NOB1: variants seen among roughly 807,000 people sequenced by gnomAD.
NOB1 encodes the protein NIN1 (RPN12) binding protein 1 homolog.
NOB1 carries 44 observed loss-of-function variants against 44.8 expected under a neutral mutation model. The observed-to-expected ratio is 0.98, with a 90% CI of 0.77 to 1.26. NOB1 has a LOEUF of 1.26. Among genes scored for constraint, NOB1 ranks in the 50% most tolerant of loss-of-function variants. The probability of loss-of-function intolerance (pLI) is 0.00; values close to 1 mark genes in which losing one functional copy is unlikely to be tolerated. For synonymous variants in NOB1, 238 were observed against 218.7 expected, an observed-to-expected ratio of 1.09 and a Z score of -0.78; for missense variants, 560 against 544.8, an observed-to-expected ratio of 1.03 and a Z score of -0.28.
chr16:69,742,740 G>A, intron 8 of NOB1, 139 bp from the exon 9 acceptor site: 1 of 821,626 alleles, frequency 1.2e-6, no homozygotes, highest in East Asian at 2.6e-5. Context: ...CCTACCATGT[G>A]CTACGTGTGA....
At position 69,749,218 on chromosome 16, in the gene NOB1, G is replaced by C. The variant is rs377474731; in HGVS notation, c.520C>G (p.Leu174Val). The change falls in exon 5 of 9, where the codon CTG (leucine) becomes GTG (valine). Residue 174 changes from leucine to valine, a missense_variant. By Grantham distance (32) the Leu-to-Val change is conservative. Coordinates refer to ENST00000268802, the MANE Select transcript of NOB1 (RefSeq NM_014062.3). Reference sequence around the variant, plus strand: ...ACCAAAAGTCAAGGCCTCACCAGCAGCTCCTGCAGTTCATGATCGATGTTG... The same window carrying C: ...ACCAAAAGTCAAGGCCTCACCAGCACCTCCTGCAGTTCATGATCGATGTTG... ...LPNIDHELQE[L>V]LIDRGEDVPS... is the part of the protein sequence containing the mutation. The C allele has an allele frequency of 6.2e-7, 1 of 1,612,998 alleles. No homozygotes were observed. Among genetic ancestry groups the C allele is most frequent in the Non-Finnish European group, 8.5e-7 (1 of 1,179,534 alleles).
At chr16:69,753,829 C>A (rs2038502146) in intron 2 of NOB1, among the ~76,000 whole-genome samples, 1 of 152,076 alleles carries the variant, frequency 6.6e-6, no homozygotes, top group Non-Finnish European at 1.5e-5. Context: ...TTTTTTGAGA[C>A]AGAGTCTCGC....
intron 8 of NOB1, among the ~76,000 whole-genome samples, chr16:69,743,825 C>T (rs1179512820): frequency 3.3e-5 from 5 of 152,196 alleles, no homozygotes; most frequent in African/African-American, 1.2e-4. Context: ...GTTGGGTCTG[C>T]AGATTACACA....
At position 69,748,374 on chromosome 16, in the gene NOB1, T is replaced by C. The variant is rs151121840; in HGVS notation, c.727-45A>G. On this transcript the variant is annotated intron_variant, in intron 6 of 8. Transcript: ENST00000268802. ...AAGAAATCAATTTTCTTTTCACATT[T>C]CATTTTGTAATTACAGTTAAGGGAA... 5,147 of 1,560,274 alleles carry C rather than the reference T, an allele frequency of 3.3e-3. 27 individuals are homozygous for C. The highest frequency in any genetic ancestry group is 6.0e-3 in the South Asian group (533 of 89,574).
In NOB1 at chr16:69,743,677, C is replaced by T. The variant is rs557070720; in HGVS notation, c.970-1076G>A. 5.9e-4 allele frequency among the ~76,000 whole-genome samples: 90 copies of T among 152,260 alleles called. 1 individual carries two copies. Among genetic ancestry groups the T allele is most frequent in the Non-Finnish European group, 1.6e-4 (11 of 68,030 alleles). On this transcript the variant is annotated intron_variant, in intron 8 of 8. Transcript: ENST00000268802. The stretch of plus-strand genomic sequence containing the variant: ...TCAAAAGTGTCAAGGTCATCTACGA[C>T]AAAAGACTGAAAGGACCCCAGTCGA...
In NOB1 at chr16:69,754,704, G is replaced by C; in HGVS notation, c.86C>G (p.Thr29Ser). Residue 29 changes from threonine to serine, a missense_variant, in exon 2 of 9, where the codon ACC becomes AGC. Transcript: ENST00000268802. Reference sequence around the variant, plus strand: ...AATCTCAGTGACCACCTCCCGGATGGTGTAAATGTTCTTCCCGATGTCCTG... The same window carrying C: ...AATCTCAGTGACCACCTCCCGGATGCTGTAAATGTTCTTCCCGATGTCCTG... The part of the protein sequence containing the change: ...ALQDIGKNIY[T>S]IREVVTEIRD... The C allele has an allele frequency of 6.2e-7, 1 of 1,614,200 alleles. No homozygotes were observed. The highest frequency in any genetic ancestry group is 8.5e-7 in the Non-Finnish European group (1 of 1,180,038).
chr16:69,754,734 C>G lies in NOB1; in HGVS notation c.64-8G>C. On this transcript the variant is annotated splice_region_variant and splice_polypyrimidine_tract_variant and intron_variant, in intron 1 of 8. Transcript: ENST00000268802. ...AATGTTCTTCCCGATGTCCTGCGGA[C>G]AGAACGCCCCAGCTCAGACCCACCC... is the stretch of plus-strand genomic sequence containing the variant. The G allele has an allele frequency of 6.2e-7, 1 of 1,614,080 alleles. No individual in the cohort carries two copies. The highest frequency in any genetic ancestry group is 8.5e-7 in the Non-Finnish European group (1 of 1,180,022).
intron 3 of NOB1, among the ~76,000 whole-genome samples, chr16:69,750,756 G>C (rs556821996): frequency 1.9e-4 from 29 of 152,316 alleles, no homozygotes; most frequent in Non-Finnish European, 2.6e-4. Context: ...GGGCAACACA[G>C]AGAGACCCCA....
chr16:69,751,274 C>T (rs538433612), intron 3 of NOB1, among the ~76,000 whole-genome samples: 1 of 152,238 alleles, frequency 6.6e-6, no homozygotes, highest in South Asian at 2.1e-4. Context: ...TCCCAAAGCC[C>T]TGGGATTATA....
chr16:69,749,920 G>A (rs2038468497), intron 3 of NOB1, among the ~76,000 whole-genome samples: 1 of 150,818 alleles, frequency 6.6e-6, no homozygotes, highest in Non-Finnish European at 1.5e-5. Flanking sequence ...GGAGGTTGCA[G>A]TGGGCTGAGA....
intron 3 of NOB1, among the ~76,000 whole-genome samples, chr16:69,750,534 G>A (rs2038474349): frequency 6.6e-6 from 1 of 152,166 alleles, no homozygotes; most frequent in Admixed American, 6.5e-5. Flanking sequence ...GGCTGAGGTA[G>A]GAGGACTGCT....
chr16:69,745,787 G>A (rs1416390042), intron 7 of NOB1, among the ~76,000 whole-genome samples: 2 of 152,218 alleles, frequency 1.3e-5, no homozygotes, highest in Non-Finnish European at 2.9e-5. Context: ...AATGGCTGGA[G>A]AAGCCAAATG....
At chr16:69,749,706 G>GTTTTTTTTTTT (rs2038466502) in intron 3 of NOB1, 76 bp from the exon 4 acceptor site, 1 of 1,091,524 alleles carries the variant, frequency 9.2e-7, no homozygotes, top group Non-Finnish European at 1.3e-6. Context: ...GGCCGGGCAC[G>GTTTTTTTTTTT]ATGGCTCATG....
intron 7 of NOB1, 149 bp downstream of exon 7, chr16:69,748,083 T>C (rs994632685): frequency 1.8e-6 from 1 of 550,070 alleles, no homozygotes; most frequent in Non-Finnish European, 3.3e-6. Flanking sequence ...GAGAATTGCT[T>C]GAACCCAGGA....
At position 69,752,277 on chromosome 16, in the gene NOB1, A is replaced by T; in HGVS notation, c.291T>A (p.Phe97Leu). 1 of 1,613,148 alleles carries T rather than the reference A, an allele frequency of 6.2e-7. No individual in the cohort carries two copies. The highest frequency in any genetic ancestry group is 8.5e-7 in the Non-Finnish European group (1 of 1,179,786). ...LALTYQLEAE[F>L]VGVSHLKQEP... ...CTTGTTTTAGGTGAGACACCCCAAC[A>T]AACTCTGCTTCCAACTGGTATGTGA... is the stretch of plus-strand genomic sequence containing the variant. The change falls in exon 3 of 9, where the codon TTT (phenylalanine) becomes TTA (leucine). Residue 97 changes from phenylalanine to leucine, a missense_variant. Coordinates refer to ENST00000268802, the MANE Select transcript of NOB1 (RefSeq NM_014062.3).
At chr16:69,753,590 C>G (rs762371626) in intron 2 of NOB1, among the ~76,000 whole-genome samples, 1 of 152,130 alleles carries the variant, frequency 6.6e-6, no homozygotes, top group Admixed American at 6.5e-5. Flanking sequence ...AGTATTTCCT[C>G]GGAAAGATTT....
At chr16:69,753,917 T>C (rs916513533) in intron 2 of NOB1, among the ~76,000 whole-genome samples, 7 of 152,224 alleles carry the variant, frequency 4.6e-5, no homozygotes, top group African/African-American at 1.2e-4. Context: ...GCAATTCTCC[T>C]GCCTCAGCCT....
chr16:69,742,286 C>T lies in NOB1; in HGVS notation c.*46G>A. The T allele has an allele frequency of 3.2e-6, 5 of 1,586,338 alleles. No individual in the cohort carries two copies. The highest frequency in any genetic ancestry group is 1.2e-5 in the South Asian group (1 of 86,888). Reference sequence around the variant, plus strand: ...CTGGGGAAATGGGTCACCGGAACTCCACGGCGGCCAGACGCCCATCCAATT... The same window carrying T: ...CTGGGGAAATGGGTCACCGGAACTCTACGGCGGCCAGACGCCCATCCAATT... On this transcript the variant is annotated 3_prime_UTR_variant, in exon 9 of 9. Coordinates refer to ENST00000268802, the MANE Select transcript of NOB1 (RefSeq NM_014062.3).
intron 8 of NOB1, among the ~76,000 whole-genome samples, chr16:69,743,734 A>G (rs1237985519): frequency 6.6e-6 from 1 of 152,254 alleles, no homozygotes; most frequent in African/African-American, 2.4e-5. Context: ...GCAACGTTTC[A>G]TCCTAGACTG....
Sources: gnomAD v4.1 joint callset for allele counts (sites outside exome capture counted in the v4.1 genomes callset) on GRCh38, gnomAD v4.1.1 for gene constraint, MANE v1.5 for transcripts, NCBI Gene and HGNC (gene_info 2026-07-23, HGNC 2026-07-21) for gene names.